The following NEK5 variants were observed in gnomAD, a reference collection of about 807,000 sequenced individuals.
The protein encoded by NEK5 is NIMA related kinase 5.
In NEK5, 88 loss-of-function variants were observed where a neutral mutation model predicts 109.2. The ratio of observed to expected loss-of-function variants is 0.81; its 90% CI spans 0.68 to 0.96. NEK5 has a LOEUF of 0.96. Among genes scored for constraint, NEK5 ranks in the 40% least tolerant of loss-of-function variants. The pLI is 0.00. For missense variants in NEK5, 834 were observed against 920.7 expected (o/e 0.91, Z 1.22); for synonymous variants, 283 against 299.9 (o/e 0.94, Z 0.58).
chr13:52,096,105 GC>G (rs1243490665), intron 12 of NEK5, among the ~76,000 whole-genome samples: 2 of 152,014 alleles, frequency 1.3e-5, no homozygotes, highest in Non-Finnish European at 2.9e-5. Context: ...ATTTCCTGAG[GC>G]CTCCCCAGCC....
chr13:52,114,593 C>A (rs1955815881), intron 4 of NEK5, among the ~76,000 whole-genome samples: 1 of 152,180 alleles, frequency 6.6e-6, no homozygotes, highest in South Asian at 2.1e-4. Context: ...AAGAAGCCAT[C>A]CATTCTACTG....
chr13:52,121,955 C>G (rs1395779621), intron 3 of NEK5, among the ~76,000 whole-genome samples: 1 of 142,730 alleles, frequency 7.0e-6, no homozygotes, highest in East Asian at 2.0e-4. Context: ...TTTTTTAAGA[C>G]AGAGTTCTGC....
chr13:52,087,455 C>G lies in NEK5; in HGVS notation c.1276-1G>C, dbSNP rs1955172969. ...GCTCGGCAGAAGATGGACGAAGACC[C>G]TATTTATTGAATGAAATAATTTATA... is the stretch of plus-strand genomic sequence containing the variant. On this transcript the variant is annotated splice_acceptor_variant, in intron 14 of 23. Transcript: ENST00000684899. LOFTEE classifies it high-confidence loss of function. 1 of 1,492,806 alleles carries G rather than the reference C, an allele frequency of 6.7e-7. No homozygotes were observed. The highest frequency in any genetic ancestry group is 1.4e-5 in the African/African-American group (1 of 72,036). The allele number at this position is 1,492,806 out of a possible 1,614,324, so 92.5% of individuals were successfully genotyped here.
At position 52,127,432 on chromosome 13, in the gene NEK5, T is replaced by G. The variant is rs750456037; in HGVS notation, c.51A>C (p.Lys17Asn). The change falls in exon 3 of 24, where the codon AAA (lysine) becomes AAC (asparagine). Residue 17 changes from lysine to asparagine, a missense_variant. Coordinates refer to ENST00000684899, the MANE Select transcript of NEK5 (RefSeq NM_001365552.1). ...CTGATTTCCCTTTAGCTAAGTATGC[T>G]TTCCCGAAGGCACCTTGCCCGATGG... ...IKAIGQGAFG[K>N]AYLAKGKSDS... 1.2e-6 allele frequency: 2 copies of G among 1,613,254 alleles called. No individual in the cohort carries two copies. The highest frequency in any genetic ancestry group is 8.5e-7 in the Non-Finnish European group (1 of 1,179,260).
At chr13:52,053,028 C>T (rs570269243) in intron 22 of NEK5, among the ~76,000 whole-genome samples, 2 of 152,168 alleles carry the variant, frequency 1.3e-5, no homozygotes, top group Non-Finnish European at 2.9e-5. Context: ...AGGCTGGGTG[C>T]AGTGGCTCAC....
rs1413232324 is a variant in NEK5 at position 52,035,486 on chromosome 13, A to C, written c.*1462T>G. On this transcript the variant is annotated 3_prime_UTR_variant, in exon 24 of 24. Coordinates refer to ENST00000684899, the MANE Select transcript of NEK5 (RefSeq NM_001365552.1). ...GAAATGTAACCACCCTCTCCTTCCT[A>C]AGCCCAGACATACTCCTTAGTATTT... is the stretch of plus-strand genomic sequence containing the variant. 6.6e-6 allele frequency: 1 copy of C among 152,132 alleles called. No individual in the cohort carries two copies. Among genetic ancestry groups the C allele is most frequent in the Non-Finnish European group, 1.5e-5 (1 of 68,014 alleles). 9.4% of individuals were successfully genotyped at this position (152,132 alleles called of 1,614,324 possible). A position where few individuals can be genotyped will look rare whatever the true frequency, so the allele number is the denominator to read the frequency against.
chr13:52,087,928 CTTT>C (rs758944022), intron 14 of NEK5, among the ~76,000 whole-genome samples: 3 of 110,274 alleles, frequency 2.7e-5, no homozygotes, highest in Admixed American at 9.5e-5. Flanking sequence ...CCCAGCCTTT[CTTT>C]TTTTTTTTTT....
chr13:52,035,339 C>T lies in NEK5; in HGVS notation c.*1609G>A, dbSNP rs1355273851. Reference sequence around the variant, plus strand: ...AATTATATGAAATGTAAATAGTAAACAGACCTTAGAAATAATCTGACCCAC... The same window carrying T: ...AATTATATGAAATGTAAATAGTAAATAGACCTTAGAAATAATCTGACCCAC... On this transcript the variant is annotated 3_prime_UTR_variant, in exon 24 of 24. Transcript: ENST00000684899. 6.6e-6 allele frequency: 1 copy of T among 152,154 alleles called. No individual in the cohort carries two copies. The highest frequency in any genetic ancestry group is 6.5e-5 in the Admixed American group (1 of 15,272). The allele number at this position is 152,154 out of a possible 1,614,324, so 9.4% of individuals were successfully genotyped here. A position where few individuals can be genotyped will look rare whatever the true frequency, so the allele number is the denominator to read the frequency against.
At chr13:52,081,201 A>AAGTGTC (rs1955006305) in intron 17 of NEK5, among the ~76,000 whole-genome samples, 1 of 152,220 alleles carries the variant, frequency 6.6e-6, no homozygotes, top group Non-Finnish European at 1.5e-5. Flanking sequence ...GACTTTTTTA[A>AAGTGTC]AGTGTCTTAT....
chr13:52,123,959 G>T (rs1338491407), intron 3 of NEK5, among the ~76,000 whole-genome samples: 3 of 152,142 alleles, frequency 2.0e-5, no homozygotes, highest in African/African-American at 7.2e-5. Context: ...AGGAGCTGTA[G>T]TTTTGGAGCA....
At chr13:52,065,431 G>A in intron 21 of NEK5, 53 bp downstream of exon 21, 1 of 1,613,236 alleles carries the variant, frequency 6.2e-7, no homozygotes, top group Non-Finnish European at 8.5e-7. Flanking sequence ...GCACTGGGCT[G>A]TACGGGTCCT....
Position 52,037,178 on chromosome 13 carries a change from C to T in NEK5, c.2269G>A (p.Val757Ile). The change falls in exon 24 of 24, where the codon GTA becomes ATA. Residue 757 changes from valine to isoleucine, a missense_variant. Val to Ile is a conservative substitution (Grantham distance 29, BLOSUM62 3). This residue lies in a region of NEK5 where 57 missense variants were observed against 96.0 expected (regional missense o/e 0.59). Coordinates refer to ENST00000684899, the MANE Select transcript of NEK5 (RefSeq NM_001365552.1). ...ESEDELRDEV[V>I]EYLEKLATFK... The stretch of plus-strand genomic sequence containing the variant: ...GTAGCGAGTTTTTCTAAGTATTCTA[C>T]TACTTCATCTCTCAACTCATCTTCA... 1 of 984,804 alleles carries T rather than the reference C, an allele frequency of 1.0e-6. No individual in the cohort carries two copies. Among genetic ancestry groups the T allele is most frequent in the Non-Finnish European group, 1.2e-6 (1 of 829,410 alleles). The allele number at this position is 984,804 out of a possible 1,614,324, so 61.0% of individuals were successfully genotyped here. A position where few individuals can be genotyped will look rare whatever the true frequency, so the allele number is the denominator to read the frequency against.
intron 5 of NEK5, among the ~76,000 whole-genome samples, chr13:52,111,583 T>A (rs1955760440): frequency 6.6e-6 from 1 of 152,122 alleles, no homozygotes; most frequent in African/African-American, 2.4e-5. Context: ...AAAGAAACAA[T>A]GGCCAAAGGA....
chr13:52,044,405 A>C (rs1341645385), intron 23 of NEK5, among the ~76,000 whole-genome samples: 2 of 152,226 alleles, frequency 1.3e-5, no homozygotes, highest in Non-Finnish European at 2.9e-5. Flanking sequence ...GAATATACAC[A>C]AATATTCATA....
Position 52,075,831 on chromosome 13 carries a change from G to T in NEK5, c.1654-5C>A. ...AATTTCAAATTTTACCCCCTTCTAG[G>T]AGAAAGCAAAAAAAAAAAAAAAGTT... On this transcript the variant is annotated splice_polypyrimidine_tract_variant and splice_region_variant and intron_variant, in intron 18 of 23. Transcript: ENST00000684899. The T allele has an allele frequency of 4.9e-6, 7 of 1,435,668 alleles. No homozygotes were observed. Among genetic ancestry groups the T allele is most frequent in the South Asian group, 1.3e-5 (1 of 74,422 alleles). 88.9% of individuals were successfully genotyped at this position (1,435,668 alleles called of 1,614,324 possible).
At chr13:52,062,153 C>A (rs1156309161) in intron 21 of NEK5, 200 bp from the exon 22 acceptor site, 4 of 152,086 alleles carry the variant, frequency 2.6e-5, no homozygotes, top group Non-Finnish European at 5.9e-5. Context: ...GTAAACTGGC[C>A]ATTTTGGTGT....
intron 8 of NEK5, among the ~76,000 whole-genome samples, chr13:52,107,540 C>T (rs941924555): frequency 6.6e-6 from 1 of 151,402 alleles, no homozygotes; most frequent in Non-Finnish European, 1.5e-5. Context: ...TGCAGTGAGC[C>T]GAGATCGTGC....
chr13:52,124,650 T>C (rs1956030825), intron 3 of NEK5, among the ~76,000 whole-genome samples: 1 of 152,240 alleles, frequency 6.6e-6, no homozygotes, highest in Admixed American at 6.5e-5. Context: ...CATGACTTCA[T>C]ATATGGATTT....
chr13:52,059,811 G>C (rs1317585030), intron 22 of NEK5, among the ~76,000 whole-genome samples: 1 of 151,790 alleles, frequency 6.6e-6, no homozygotes, highest in Non-Finnish European at 1.5e-5. Context: ...TTGTGGGGTG[G>C]GGGGACGGGG....
Sources: allele counts gnomAD v4.1 joint callset (sites outside exome capture counted in the v4.1 genomes callset), GRCh38; gene constraint gnomAD v4.1.1; regional missense constraint gnomAD v4.1.1; transcripts MANE v1.5; gene names NCBI Gene and HGNC (gene_info 2026-07-23, HGNC 2026-07-21).